Variants in MBOAT1 observed in about 807,000 individuals in gnomAD.
MBOAT1 encodes the protein membrane-bound glycerophospholipid O-acyltransferase 1.
A neutral mutation model predicts 64.4 loss-of-function variants in MBOAT1; 67 were observed. The observed-to-expected ratio is 1.04, with a 90% CI of 0.85 to 1.27. The LOEUF (loss-of-function observed/expected upper bound fraction) is 1.27, where lower values mean the gene tolerates loss of function less well. MBOAT1 is among the 50% of genes most tolerant of loss of function. The pLI, the probability that MBOAT1 is intolerant of heterozygous loss-of-function variation, is 0.00. For synonymous variants in MBOAT1, 229 were observed against 218.9 expected (o/e 1.05, Z -0.41); for missense variants, 563 against 604.6 (o/e 0.93, Z 0.72).
intron 4 of MBOAT1, among the ~76,000 whole-genome samples, chr6:20,132,003 C>T (rs546539381): frequency 9.2e-5 from 14 of 152,272 alleles, no homozygotes; most frequent in African/African-American, 3.1e-4. Context: ...TCACCTCAGC[C>T]TCCCAAGTAG....
At chr6:20,117,516 G>A (rs1044632700) in intron 9 of MBOAT1, among the ~76,000 whole-genome samples, 19 of 152,154 alleles carry the variant, frequency 1.2e-4, no homozygotes, top group Admixed American at 9.8e-4. Context: ...TCCCTCTGGA[G>A]GCCGTCCACA....
At chr6:20,110,530 A>AAAT (rs200242152) in intron 11 of MBOAT1, among the ~76,000 whole-genome samples, 1,569 of 151,100 alleles carry the variant, frequency 0.01, 25 homozygotes, top group African/African-American at 0.034. Flanking sequence ...TTTCTTATTA[A>AAAT]AATAATAATA....
rs1174816793 is a variant in MBOAT1, at chr6:20,192,995, CTTTTTTTTTTTTTTT to C, written c.99+19126_99+19140del. Among the ~76,000 whole-genome samples the C allele has an allele frequency of 1.1e-4, 6 of 55,036 alleles. 1 individual carries two copies. The East Asian group carries it at 2.2e-3, about 20-fold the overall frequency. The allele number at this position is 55,036 out of a possible 152,430, so 36.1% of individuals were successfully genotyped here. A position where few individuals can be genotyped will look rare whatever the true frequency, so the allele number is the denominator to read the frequency against. ...TTATTCAGCTGGTATGCTATAATTTCTTTTTTTTTTTTTTTTTTTTTTTTTTTTGAGACGGAGTCT... is the reference window on the plus strand; with the variant it reads ...TTATTCAGCTGGTATGCTATAATTTCTTTTTTTTTTTTTGAGACGGAGTCT... On this transcript the variant is annotated intron_variant, in intron 1 of 12. Transcript: ENST00000324607.
intron 10 of MBOAT1, among the ~76,000 whole-genome samples, chr6:20,114,841 A>AC (rs929027842): frequency 1.3e-5 from 2 of 151,244 alleles, no homozygotes; most frequent in Non-Finnish European, 2.9e-5. Context: ...CAGAGATTGC[A>AC]CCATTGCACT....
At position 20,123,859 on chromosome 6, in the gene MBOAT1, A is replaced by G. The variant is rs199969703; in HGVS notation, c.907+549T>C. ...ATCACGACGTCAGGAGATCGAGACC[A>G]TCCTGGCTAACACTGTGAAACCCCA... On this transcript the variant is annotated intron_variant, in intron 8 of 12. Coordinates refer to ENST00000324607, the MANE Select transcript of MBOAT1 (RefSeq NM_001080480.3). 5.9e-5 allele frequency among the ~76,000 whole-genome samples: 9 copies of G among 152,292 alleles called. No individual in the cohort carries two copies. The East Asian group carries it at 1.4e-3, about 23-fold the overall frequency.
chr6:20,160,180 C>T (rs758191763), intron 1 of MBOAT1, among the ~76,000 whole-genome samples: 7 of 152,172 alleles, frequency 4.6e-5, no homozygotes, highest in Admixed American at 1.3e-4. Flanking sequence ...AATTTTCAAA[C>T]GCAAGTCTTA....
chr6:20,167,552 A>G (rs1471452489), intron 1 of MBOAT1, among the ~76,000 whole-genome samples: 2 of 152,134 alleles, frequency 1.3e-5, no homozygotes, highest in Non-Finnish European at 2.9e-5. Context: ...TTGATTACCC[A>G]CTGAACTAAC....
chr6:20,182,799 G>C (rs1278812990), intron 1 of MBOAT1, among the ~76,000 whole-genome samples: 1 of 152,124 alleles, frequency 6.6e-6, no homozygotes, highest in Non-Finnish European at 1.5e-5. Flanking sequence ...CTCCATTTTA[G>C]CTTTCTCCAC....
At chr6:20,147,433 G>T (rs1209762586) in intron 3 of MBOAT1, among the ~76,000 whole-genome samples, 3 of 152,098 alleles carry the variant, frequency 2.0e-5, no homozygotes, top group African/African-American at 4.8e-5. Flanking sequence ...TGAGGTCAGG[G>T]GTTCGAGACC....
chr6:20,211,972 ACAC>A, intron 1 of MBOAT1, 161 bp downstream of exon 1: 1 of 458,896 alleles, frequency 2.2e-6, no homozygotes, highest in Non-Finnish European at 3.7e-6. Context: ...AAGGGAAAAC[ACAC>A]ACACACACAC....
intron 1 of MBOAT1, among the ~76,000 whole-genome samples, chr6:20,180,901 T>A (rs1181675280): frequency 6.6e-6 from 1 of 152,196 alleles, no homozygotes; most frequent in Non-Finnish European, 1.5e-5. Flanking sequence ...AAAGGCTTCA[T>A]TAGAACTTAA....
chr6:20,159,972 C>T (rs1282225255), intron 1 of MBOAT1, among the ~76,000 whole-genome samples: 2 of 152,074 alleles, frequency 1.3e-5, no homozygotes, highest in Admixed American at 1.3e-4. Flanking sequence ...ATTGTGTGGG[C>T]CTTTATGCAT....
At chr6:20,203,824 T>G (rs558256736) in intron 1 of MBOAT1, among the ~76,000 whole-genome samples, 1 of 150,964 alleles carries the variant, frequency 6.6e-6, no homozygotes, top group South Asian at 2.1e-4. Context: ...AAATAGGAGA[T>G]TCACAGCAAC....
In MBOAT1 at chr6:20,118,634, G is replaced by T. The variant is rs150784305; in HGVS notation, c.908-94C>A. 4,451 of 950,896 alleles carry T rather than the reference G, an allele frequency of 4.7e-3. 17 individuals carry two copies. Among genetic ancestry groups the T allele is most frequent in the Non-Finnish European group, 5.9e-3 (3,681 of 622,560 alleles). The allele number at this position is 950,896 out of a possible 1,614,324, so 58.9% of individuals were successfully genotyped here. A position where few individuals can be genotyped will look rare whatever the true frequency, so the allele number is the denominator to read the frequency against. ...AATATCTGTCTAGCTTCAAGATGGAGAAATATGCAGTAGTGTCTTTGGAAA... is the reference window on the plus strand; with the variant it reads ...AATATCTGTCTAGCTTCAAGATGGATAAATATGCAGTAGTGTCTTTGGAAA... On this transcript the variant is annotated intron_variant, in intron 8 of 12. Transcript: ENST00000324607.
intron 1 of MBOAT1, among the ~76,000 whole-genome samples, chr6:20,165,129 T>A (rs76923429): frequency 0.032 from 4,822 of 152,240 alleles, 98 homozygotes; most frequent in Non-Finnish European, 0.048. Context: ...TAATTAAAGA[T>A]TTAAATCAGG....
chr6:20,144,596 T>C (rs1761277960), intron 3 of MBOAT1, among the ~76,000 whole-genome samples: 5 of 152,336 alleles, frequency 3.3e-5, no homozygotes, highest in African/African-American at 1.2e-4. Flanking sequence ...TCCTGTTTAA[T>C]TCCTGCCACA....
At chr6:20,155,131 G>A (rs961680881) in intron 1 of MBOAT1, among the ~76,000 whole-genome samples, 2 of 152,228 alleles carry the variant, frequency 1.3e-5, no homozygotes, top group African/African-American at 4.8e-5. Context: ...ATGATTTGGA[G>A]GATGGATCGT....
intron 12 of MBOAT1, among the ~76,000 whole-genome samples, chr6:20,103,100 GA>G (rs1759849405): frequency 6.6e-6 from 1 of 151,874 alleles, no homozygotes; most frequent in Non-Finnish European, 1.5e-5. Flanking sequence ...TACCTATTAA[GA>G]AAAAAAAGTT....
intron 3 of MBOAT1, among the ~76,000 whole-genome samples, chr6:20,145,681 C>T (rs1481000033): frequency 3.3e-5 from 5 of 152,240 alleles, no homozygotes; most frequent in African/African-American, 7.2e-5. Context: ...TCCATGTTTA[C>T]CTTACTCTCA....
Sources: allele counts gnomAD v4.1 joint callset (sites outside exome capture counted in the v4.1 genomes callset), GRCh38; gene constraint gnomAD v4.1.1; transcripts MANE v1.5; gene names NCBI Gene and HGNC (gene_info 2026-07-23, HGNC 2026-07-21).